Variants in CAMK2B observed in about 807,000 individuals in gnomAD.
CAMK2B encodes the protein calcium/calmodulin dependent protein kinase II beta.
In CAMK2B, 27 loss-of-function variants were observed where a neutral mutation model predicts 93.7. That is an observed-to-expected ratio of 0.29 (90% confidence interval 0.21 to 0.40). CAMK2B has a LOEUF of 0.40. Among genes scored for constraint, CAMK2B ranks in the 10% least tolerant of loss-of-function variants. The pLI is 1.00. For synonymous variants in CAMK2B, 374 were observed against 358.8 expected, an observed-to-expected ratio of 1.04 and a Z score of -0.48; for missense variants, 568 against 895.8, an observed-to-expected ratio of 0.63 and a Z score of 4.67.
chr7:44,291,407 AG>A (rs1344009894), intron 1 of CAMK2B, among the ~76,000 whole-genome samples: 1 of 152,148 alleles, frequency 6.6e-6, no homozygotes. Context: ...CCGAGCTCCC[AG>A]GGCTGTGTCG....
chr7:44,312,088 G>C lies in CAMK2B; in HGVS notation c.65+13269C>G, dbSNP rs1240779037. ...ATGCCCCCATGGGTGACCAAGGCTG[G>C]GAAGAGCCCCACATTTACCCCAGGG... On this transcript the variant is annotated intron_variant, in intron 1 of 23. Coordinates refer to ENST00000395749, the MANE Select transcript of CAMK2B (RefSeq NM_001220.5). The surrounding 1 kb of genome is among the most constrained non-coding windows in gnomAD (Gnocchi z 4.1). Among the ~76,000 whole-genome samples the C allele has an allele frequency of 6.6e-6, 1 of 152,186 alleles. No individual in the cohort carries two copies. The highest frequency in any genetic ancestry group is 1.5e-5 in the Non-Finnish European group (1 of 68,024).
At position 44,224,347 on chromosome 7, in the gene CAMK2B, C is replaced by T. The variant is rs143952029; in HGVS notation, c.1597+2169G>A. Among the ~76,000 whole-genome samples, 39 of 152,344 alleles carry T rather than the reference C, an allele frequency of 2.6e-4. 1 individual carries two copies. In the South Asian group the frequency reaches 3.5e-3, roughly 14 times the overall value. On this transcript the variant is annotated intron_variant, in intron 20 of 23. Transcript: ENST00000395749. The surrounding 1 kb of genome is among the most constrained non-coding windows in gnomAD (Gnocchi z 4.4). ...CCAGGCCCCTGAAGAAGGGCATGAT[C>T]CCTGATGGAGGGAAAGGAGGGGGGC...
chr7:44,299,146 G>A (rs1692370380), intron 1 of CAMK2B, among the ~76,000 whole-genome samples: 1 of 152,166 alleles, frequency 6.6e-6, no homozygotes, highest in South Asian at 2.1e-4. Context: ...AACTCAAATG[G>A]CCATTGACAG....
intron 1 of CAMK2B, among the ~76,000 whole-genome samples, chr7:44,321,647 G>A (rs752491256): frequency 2.6e-5 from 4 of 152,092 alleles, no homozygotes; most frequent in South Asian, 4.1e-4. Flanking sequence ...TGCCATCTCC[G>A]CCAAAAAAGG....
intron 1 of CAMK2B, among the ~76,000 whole-genome samples, chr7:44,319,654 C>A (rs1251778993): frequency 1.3e-5 from 2 of 152,180 alleles, no homozygotes; most frequent in African/African-American, 4.8e-5. Flanking sequence ...CTTTCCTTCA[C>A]AACAGTTGGG....
chr7:44,258,769 C>G, intron 4 of CAMK2B, 103 bp downstream of exon 4: 1 of 1,057,738 alleles, frequency 9.5e-7, no homozygotes, highest in Non-Finnish European at 1.4e-6. Flanking sequence ...GAGTGGCCAG[C>G]CCACGGGTAG....
At chr7:44,254,182 T>C (rs2096809901) in intron 5 of CAMK2B, among the ~76,000 whole-genome samples, 1 of 152,132 alleles carries the variant, frequency 6.6e-6, no homozygotes, top group Admixed American at 6.5e-5. Flanking sequence ...TCTGAGACCA[T>C]CTGTCCCTCT....
Position 44,229,463 on chromosome 7 carries a change from C to T in CAMK2B, c.1264G>A (p.Gly422Ser), listed in dbSNP as rs1258856700. ...VPDILSSVRR[G>S]SGAPEAEGPL... ...CCCTCGGCTTCTGGGGCTCCCGAGC[C>T]CCTCCTCACTGAGCTCAGGATGTCG... Residue 422 changes from glycine to serine, a missense_variant, in exon 18 of 24, where the codon GGC becomes AGC. This residue lies in a region of CAMK2B where 308 missense variants were observed against 292.1 expected (regional missense o/e 1.05). Transcript: ENST00000395749. 2.0e-6 allele frequency: 3 copies of T among 1,478,202 alleles called. No homozygotes were observed. The highest frequency in any genetic ancestry group is 2.7e-6 in the Non-Finnish European group (3 of 1,114,932). The allele number at this position is 1,478,202 out of a possible 1,614,324, so 91.6% of individuals were successfully genotyped here.
At chr7:44,235,513 A>C (rs1400789840) in intron 13 of CAMK2B, among the ~76,000 whole-genome samples, 1 of 152,262 alleles carries the variant, frequency 6.6e-6, no homozygotes, top group East Asian at 1.9e-4. Context: ...ATAAATAAAA[A>C]ACCAAAAGAG....
In CAMK2B at chr7:44,217,561, G is replaced by C. The variant is rs758816107; in HGVS notation, c.*1964C>G. 3 of 152,324 alleles carry C rather than the reference G, an allele frequency of 2.0e-5. No homozygotes were observed. Among genetic ancestry groups the C allele is most frequent in the Non-Finnish European group, 4.4e-5 (3 of 68,122 alleles). The allele number at this position is 152,324 out of a possible 1,614,324, so 9.4% of individuals were successfully genotyped here. The stretch of plus-strand genomic sequence containing the variant: ...AGCCCTGCCGCTGTCCCATGGCCCA[G>C]GGAGCCACTGGTGCGGAGCCCGGCA... On this transcript the variant is annotated 3_prime_UTR_variant, in exon 24 of 24. Transcript: ENST00000395749.
intron 6 of CAMK2B, 46 bp downstream of exon 6, chr7:44,247,074 A>G (rs2096738473): frequency 6.8e-7 from 1 of 1,462,910 alleles, no homozygotes; most frequent in Non-Finnish European, 9.6e-7. Flanking sequence ...CACAGCATGC[A>G]GGTACAGACA....
At position 44,316,966 on chromosome 7, in the gene CAMK2B, A is replaced by G. The variant is rs7783679; in HGVS notation, c.65+8391T>C. ...TAACTAGCACTCCTGAGTCTTCTTA[A>G]TTATTCTCAGAGGTATTAATCACCT... is the stretch of plus-strand genomic sequence containing the variant. On this transcript the variant is annotated intron_variant, in intron 1 of 23. Coordinates refer to ENST00000395749, the MANE Select transcript of CAMK2B (RefSeq NM_001220.5). Among the ~76,000 whole-genome samples, 882 of 152,176 alleles carry G rather than the reference A, an allele frequency of 5.8e-3. 4 individuals are homozygous for G. The highest frequency in any genetic ancestry group is 0.02 in the African/African-American group (824 of 41,506).
In CAMK2B at chr7:44,242,644, C is replaced by A. The variant is rs752224374; in HGVS notation, c.612G>T (p.Leu204=). 3 of 1,610,874 alleles carry A rather than the reference C, an allele frequency of 1.9e-6. No individual in the cohort carries two copies. Among genetic ancestry groups the A allele is most frequent in the Non-Finnish European group, 2.5e-6 (3 of 1,178,652 alleles). The change falls in exon 9 of 24, where the codon CTG becomes CTT. Residue 204 remains leucine (L), a synonymous_variant. Transcript: ENST00000395749. ...PVDIWACGVI[L]YILLVGYPPF... The stretch of plus-strand genomic sequence containing the variant: ...GTGGGTAGCCCACGAGCAGGATGTA[C>A]AGGATCACCCCTGCGGATGGGGCCT...
intron 19 of CAMK2B, among the ~76,000 whole-genome samples, chr7:44,228,348 C>T (rs2096540221): frequency 6.6e-6 from 1 of 152,066 alleles, no homozygotes; most frequent in Non-Finnish European, 1.5e-5. Flanking sequence ...GGAGGGTGCT[C>T]AGGGGTTGGG....
At chr7:44,310,679 T>C (rs939482543) in intron 1 of CAMK2B, among the ~76,000 whole-genome samples, 6 of 152,144 alleles carry the variant, frequency 3.9e-5, no homozygotes, top group African/African-American at 7.2e-5. Flanking sequence ...CTTGAAGACA[T>C]TATGCTCATT....
At chr7:44,232,571 T>C (rs1362344622) in intron 16 of CAMK2B, among the ~76,000 whole-genome samples, 3 of 152,162 alleles carry the variant, frequency 2.0e-5, no homozygotes, top group African/African-American at 7.2e-5. Context: ...AGAGCCCTGG[T>C]CTGAGAGTGT....
chr7:44,274,191 G>A (rs1003078540), intron 2 of CAMK2B, among the ~76,000 whole-genome samples: 1 of 152,178 alleles, frequency 6.6e-6, no homozygotes, highest in Non-Finnish European at 1.5e-5. Flanking sequence ...TCCACACCGA[G>A]CTGGAGTCGG....
chr7:44,248,942 A>G lies in CAMK2B; in HGVS notation c.342-1750T>C, dbSNP rs898470758. 1.3e-4 allele frequency among the ~76,000 whole-genome samples: 20 copies of G among 152,040 alleles called. No individual in the cohort carries two copies. The East Asian group carries it at 3.7e-3, about 28-fold the overall frequency. On this transcript the variant is annotated intron_variant, in intron 5 of 23. Coordinates refer to ENST00000395749, the MANE Select transcript of CAMK2B (RefSeq NM_001220.5). The surrounding 1 kb of genome is among the most constrained non-coding windows in gnomAD (Gnocchi z 4.1). Reference sequence around the variant, plus strand: ...CCACAATCCTATCTCCTTGCTCCATATGCCCTGGGGTGTCCTGCCTTCCCT... The same window carrying G: ...CCACAATCCTATCTCCTTGCTCCATGTGCCCTGGGGTGTCCTGCCTTCCCT...
intron 20 of CAMK2B, among the ~76,000 whole-genome samples, chr7:44,222,796 G>A (rs567174055): frequency 3.3e-5 from 5 of 151,510 alleles, no homozygotes; most frequent in South Asian, 2.1e-4. Flanking sequence ...TATCTCTCTC[G>A]CCAGACCTCT....
Sources: allele counts gnomAD v4.1 joint callset (sites outside exome capture counted in the v4.1 genomes callset), GRCh38; gene constraint gnomAD v4.1.1; regional missense constraint gnomAD v4.1.1; non-coding constraint Gnocchi (gnomAD v3.1); transcripts MANE v1.5; gene names NCBI Gene and HGNC (gene_info 2026-07-23, HGNC 2026-07-21).